The following PLEKHA2 variants were observed in gnomAD, a reference collection of about 807,000 sequenced individuals.
PLEKHA2 encodes pleckstrin homology domain-containing family A member 2.
PLEKHA2 carries 28 observed loss-of-function variants against 53.2 expected under a neutral mutation model. That is an observed-to-expected ratio of 0.53 (90% CI 0.39 to 0.72). The LOEUF (loss-of-function observed/expected upper bound fraction) is 0.72, where lower values mean the gene tolerates loss of function less well. Among genes scored for constraint, PLEKHA2 ranks in the 30% least tolerant of loss-of-function variants. The probability of loss-of-function intolerance (pLI) is 0.00; values close to 1 mark genes in which losing one functional copy is unlikely to be tolerated. For synonymous variants in PLEKHA2, 193 were observed against 196.4 expected, an observed-to-expected ratio of 0.98 and a Z score of 0.14; for missense variants, 426 against 537.9, an observed-to-expected ratio of 0.79 and a Z score of 2.06.
intron 1 of PLEKHA2, among the ~76,000 whole-genome samples, chr8:38,904,064 T>C (rs939744882): frequency 6.6e-6 from 1 of 152,144 alleles, no homozygotes; most frequent in Non-Finnish European, 1.5e-5. Flanking sequence ...CTGCCTGATA[T>C]GAGCCCATTA....
Position 38,970,554 on chromosome 8 carries a change from TG to T in PLEKHA2, c.*774del. 5.8e-6 allele frequency: 1 copy of T among 171,618 alleles called. No homozygotes were observed. 10.6% of individuals were successfully genotyped at this position (171,618 alleles called of 1,614,324 possible). A position where few individuals can be genotyped will look rare whatever the true frequency, so the allele number is the denominator to read the frequency against. ...GCTCACGCCTGTAATGCCAGTAGTTTGGGAGGCTGAGGCGGGTGGATCACCT... is the reference window on the plus strand; with the variant it reads ...GCTCACGCCTGTAATGCCAGTAGTTTGGAGGCTGAGGCGGGTGGATCACCT... On this transcript the variant is annotated 3_prime_UTR_variant, in exon 12 of 12. Coordinates refer to ENST00000617275, the MANE Select transcript of PLEKHA2 (RefSeq NM_021623.2).
chr8:38,931,779 A>G (rs1408866564), intron 2 of PLEKHA2, among the ~76,000 whole-genome samples: 1 of 152,206 alleles, frequency 6.6e-6, no homozygotes, highest in Non-Finnish European at 1.5e-5. Flanking sequence ...TCCAGTAGGA[A>G]GAGACCTAAA....
At position 38,970,228 on chromosome 8, in the gene PLEKHA2, G is replaced by A; in HGVS notation, c.*445G>A. ...AGGTGCCTCGCAGCTCTTTTGGAATGGGCCAGCATTAGTCTAATTTTAAGC... is the reference window on the plus strand; with the variant it reads ...AGGTGCCTCGCAGCTCTTTTGGAATAGGCCAGCATTAGTCTAATTTTAAGC... On this transcript the variant is annotated 3_prime_UTR_variant, in exon 12 of 12. Transcript: ENST00000617275. 2.4e-6 allele frequency: 1 copy of A among 422,860 alleles called. No homozygotes were observed. Among genetic ancestry groups the A allele is most frequent in the Non-Finnish European group, 4.1e-6 (1 of 243,814 alleles). 26.2% of individuals were successfully genotyped at this position (422,860 alleles called of 1,614,324 possible). A position where few individuals can be genotyped will look rare whatever the true frequency, so the allele number is the denominator to read the frequency against.
Position 38,903,840 on chromosome 8 carries a change from CT to C in PLEKHA2, c.-24+2397del, listed in dbSNP as rs1417605875. On this transcript the variant is annotated intron_variant, in intron 1 of 11. Transcript: ENST00000617275. The stretch of plus-strand genomic sequence containing the variant: ...TATTCCGGTTGTGATAGACCTAGGG[CT>C]TGGAAAAGAGGATCTGGGTGCTGGG... 2.6e-5 allele frequency among the ~76,000 whole-genome samples: 4 copies of C among 152,272 alleles called. No individual in the cohort carries two copies. The East Asian group carries it at 7.7e-4, about 29-fold the overall frequency.
chr8:38,924,299 C>G (rs1220445503), intron 2 of PLEKHA2, among the ~76,000 whole-genome samples: 1 of 152,044 alleles, frequency 6.6e-6, no homozygotes, highest in East Asian at 1.9e-4. Context: ...CATTTAGGGT[C>G]GTCAGGGTCC....
chr8:38,955,897 G>A (rs1263823341), intron 9 of PLEKHA2, among the ~76,000 whole-genome samples: 1 of 152,160 alleles, frequency 6.6e-6, no homozygotes, highest in Non-Finnish European at 1.5e-5. Context: ...TGCAGCCTCT[G>A]CCTCCCAGGC....
At chr8:38,965,488 A>G (rs182118524) in intron 10 of PLEKHA2, among the ~76,000 whole-genome samples, 6 of 152,308 alleles carry the variant, frequency 3.9e-5, no homozygotes, top group Admixed American at 6.5e-5. Flanking sequence ...TATGTGACAT[A>G]GGAGACTTTC....
chr8:38,969,965 G>GTGTA lies in PLEKHA2; in HGVS notation c.*185_*186insATGT. 1 of 760,160 alleles carries GTGTA rather than the reference G, an allele frequency of 1.3e-6. No individual in the cohort carries two copies. The highest frequency in any genetic ancestry group is 2.7e-5 in the East Asian group (1 of 37,260). The allele number at this position is 760,160 out of a possible 1,614,324, so 47.1% of individuals were successfully genotyped here. ...GCTGTGTGTGTGTGTGTGTGTGTGT[G>GTGTA]TGTGTGTGTGTGTAATATCAACGCA... On this transcript the variant is annotated 3_prime_UTR_variant, in exon 12 of 12. Coordinates refer to ENST00000617275, the MANE Select transcript of PLEKHA2 (RefSeq NM_021623.2).
intron 10 of PLEKHA2, among the ~76,000 whole-genome samples, chr8:38,968,035 C>T (rs112111404): frequency 0.033 from 4,978 of 152,076 alleles, 266 homozygotes; most frequent in African/African-American, 0.11. Flanking sequence ...AATTTCAAAG[C>T]GACCCAGTAG....
intron 1 of PLEKHA2, among the ~76,000 whole-genome samples, chr8:38,914,253 G>C (rs575918561): frequency 6.6e-6 from 1 of 152,362 alleles, no homozygotes; most frequent in East Asian, 1.9e-4. Flanking sequence ...CCTGGATCAA[G>C]GGATTCACCA....
At chr8:38,932,906 G>A (rs997246086) in intron 2 of PLEKHA2, among the ~76,000 whole-genome samples, 3 of 152,216 alleles carry the variant, frequency 2.0e-5, no homozygotes, top group Admixed American at 1.3e-4. Flanking sequence ...GGGTGAAGGG[G>A]TGAGGACCCC....
Position 38,936,200 on chromosome 8 carries a change from G to A in PLEKHA2, c.198+150G>A, listed in dbSNP as rs186205404. On this transcript the variant is annotated intron_variant, in intron 3 of 11. Transcript: ENST00000617275. ...CCTGAACCCACACAATGCCTGTGGA[G>A]GCTTAGCTGCTAATGGGTGGCTGTA... 1,230 of 843,580 alleles carry A rather than the reference G, an allele frequency of 1.5e-3. 5 individuals carry two copies. The highest frequency in any genetic ancestry group is 1.9e-3 in the Non-Finnish European group (1,014 of 520,432). 52.3% of individuals were successfully genotyped at this position (843,580 alleles called of 1,614,324 possible). A position where few individuals can be genotyped will look rare whatever the true frequency, so the allele number is the denominator to read the frequency against.
intron 10 of PLEKHA2, among the ~76,000 whole-genome samples, chr8:38,966,891 C>T (rs1835147131): frequency 6.6e-6 from 1 of 151,968 alleles, no homozygotes. Context: ...GTAACCATCA[C>T]CTGAGTATTG....
intron 2 of PLEKHA2, among the ~76,000 whole-genome samples, chr8:38,918,774 CAT>C (rs1435559671): frequency 5.3e-5 from 8 of 151,968 alleles, no homozygotes; most frequent in Non-Finnish European, 1.0e-4. Flanking sequence ...TGCACACACA[CAT>C]ATACACACAG....
intron 2 of PLEKHA2, among the ~76,000 whole-genome samples, chr8:38,931,678 C>T (rs1834395657): frequency 6.6e-6 from 1 of 152,182 alleles, no homozygotes; most frequent in Non-Finnish European, 1.5e-5. Context: ...TTGGGAACTT[C>T]ACCATCATGC....
chr8:38,970,590 A>G lies in PLEKHA2; in HGVS notation c.*807A>G. ...GGCGGGTGGATCACCTGAGGTCAGG[A>G]GTTCGAGATCAGCCTGGCCAACATG... On this transcript the variant is annotated 3_prime_UTR_variant, in exon 12 of 12. Coordinates refer to ENST00000617275, the MANE Select transcript of PLEKHA2 (RefSeq NM_021623.2). 6.0e-6 allele frequency: 1 copy of G among 167,984 alleles called. No homozygotes were observed. The allele number at this position is 167,984 out of a possible 1,614,324, so 10.4% of individuals were successfully genotyped here. A position where few individuals can be genotyped will look rare whatever the true frequency, so the allele number is the denominator to read the frequency against.
chr8:38,968,712 G>T, intron 11 of PLEKHA2, 43 bp downstream of exon 11: 2 of 1,599,868 alleles, frequency 1.3e-6, no homozygotes, highest in Non-Finnish European at 1.7e-6. Context: ...ACTCAGAGAT[G>T]AATTCCTCTC....
chr8:38,906,923 C>T (rs1833885625), intron 1 of PLEKHA2, among the ~76,000 whole-genome samples: 1 of 152,204 alleles, frequency 6.6e-6, no homozygotes, highest in Non-Finnish European at 1.5e-5. Context: ...CTCCATATCT[C>T]TATACCTCAG....
intron 5 of PLEKHA2, among the ~76,000 whole-genome samples, chr8:38,950,314 G>T (rs545995278): frequency 6.6e-6 from 1 of 152,142 alleles, no homozygotes; most frequent in South Asian, 2.1e-4. Context: ...GGTTACAGGT[G>T]TGAGGCCCCG....
Sources: gnomAD v4.1 joint callset for allele counts (sites outside exome capture counted in the v4.1 genomes callset) on GRCh38, gnomAD v4.1.1 for gene constraint, MANE v1.5 for transcripts, NCBI Gene and HGNC (gene_info 2026-07-23, HGNC 2026-07-21) for gene names.